The following ADAM12 variants were observed in gnomAD, a reference collection of about 807,000 sequenced individuals.
ADAM12 encodes the protein ADAM metallopeptidase domain 12, also known as disintegrin and metalloproteinase domain-containing protein 12.
ADAM12 carries 70 observed loss-of-function variants against 106.4 expected under a neutral mutation model. That is an observed-to-expected ratio of 0.66 (90% CI 0.54 to 0.80). The LOEUF (loss-of-function observed/expected upper bound fraction) is 0.80, where lower values mean the gene tolerates loss of function less well. ADAM12 is among the 30% of genes least tolerant of loss of function. The pLI, the probability that ADAM12 is intolerant of heterozygous loss-of-function variation, is 0.00. For synonymous variants in ADAM12, 420 were observed against 433.5 expected (o/e 0.97, Z 0.39); for missense variants, 1,010 against 1,171.9 (o/e 0.86, Z 2.02).
chr10:126,223,312 T>C (rs1418256759), intron 3 of ADAM12, among the ~76,000 whole-genome samples: 1 of 152,236 alleles, frequency 6.6e-6, no homozygotes, highest in African/African-American at 2.4e-5. Flanking sequence ...TATTTCAGCT[T>C]CTGCCTGTCA....
intron 21 of ADAM12, among the ~76,000 whole-genome samples, chr10:126,033,976 AAAT>A (rs1174524819): frequency 2.0e-5 from 3 of 152,252 alleles, no homozygotes; most frequent in Admixed American, 1.3e-4. Context: ...TTCAGACAGA[AAAT>A]AATAAGCAAA....
chr10:126,308,667 G>A (rs1398413957), intron 2 of ADAM12, among the ~76,000 whole-genome samples: 2 of 152,138 alleles, frequency 1.3e-5, no homozygotes, highest in East Asian at 3.8e-4. Context: ...TCTATTTGAG[G>A]AAATGCCCTC....
At chr10:126,178,317 C>A (rs111376187) in intron 3 of ADAM12, among the ~76,000 whole-genome samples, 1 of 151,552 alleles carries the variant, frequency 6.6e-6, no homozygotes, top group Non-Finnish European at 1.5e-5. Context: ...GAGAATTTTG[C>A]ACCTTAAACT....
chr10:126,109,735 C>T (rs1367838758), intron 7 of ADAM12, 40 bp downstream of exon 7: 1 of 1,574,820 alleles, frequency 6.3e-7, no homozygotes, highest in Non-Finnish European at 8.6e-7. Context: ...TTTCTTTTAT[C>T]TCTAACCAAC....
intron 4 of ADAM12, 35 bp downstream of exon 4, chr10:126,155,192 G>A: frequency 6.2e-7 from 1 of 1,604,108 alleles, no homozygotes; most frequent in Non-Finnish European, 8.5e-7. Flanking sequence ...ATCCAGTGGT[G>A]TAAGATTATG....
At chr10:126,027,854 G>A (rs1489534481) in intron 21 of ADAM12, among the ~76,000 whole-genome samples, 1 of 152,142 alleles carries the variant, frequency 6.6e-6, no homozygotes, top group Non-Finnish European at 1.5e-5. Flanking sequence ...TCTGGGAAGG[G>A]CAATCAGGCA....
At chr10:126,109,377 C>G (rs1359360912) in intron 7 of ADAM12, among the ~76,000 whole-genome samples, 1 of 152,132 alleles carries the variant, frequency 6.6e-6, no homozygotes, top group Admixed American at 6.5e-5. Context: ...GTCTCTATAG[C>G]CTTCATTCAT....
chr10:126,086,606 T>C (rs1278360), intron 11 of ADAM12, among the ~76,000 whole-genome samples: 85,404 of 123,382 alleles, frequency 0.69, 29,778 homozygotes, highest in East Asian at 0.83. Context: ...GAACCTGGGA[T>C]GCAGAGGTTG....
intron 1 of ADAM12, among the ~76,000 whole-genome samples, chr10:126,338,401 C>T (rs1420881379): frequency 2.0e-5 from 3 of 151,230 alleles, no homozygotes; most frequent in Non-Finnish European, 4.4e-5. Context: ...TACAGGCGCC[C>T]GCCACTACGC....
chr10:126,167,672 T>C (rs1957048097), intron 3 of ADAM12, among the ~76,000 whole-genome samples: 1 of 152,194 alleles, frequency 6.6e-6, no homozygotes, highest in Non-Finnish European at 1.5e-5. Context: ...TAGTGCCACA[T>C]ACCACCCGCA....
rs138184094 is a variant in ADAM12, at chr10:126,341,208, G to A, written c.89-10699C>T. Among the ~76,000 whole-genome samples, 356 of 152,128 alleles carry A rather than the reference G, an allele frequency of 2.3e-3. 8 individuals carry two copies. In the South Asian group the frequency reaches 0.024, roughly 10 times the overall value. On this transcript the variant is annotated intron_variant, in intron 1 of 22. Transcript: ENST00000448723. ...TTTATCCCGCCTACAGCCACTATCA[G>A]TATCAAATCTTGTTTTATTTATTTA...
intron 2 of ADAM12, among the ~76,000 whole-genome samples, chr10:126,302,858 A>G (rs1488029440): frequency 1.3e-5 from 2 of 152,244 alleles, no homozygotes; most frequent in Non-Finnish European, 2.9e-5. Flanking sequence ...ATAATGCAGT[A>G]AAGACTTTAG....
intron 11 of ADAM12, among the ~76,000 whole-genome samples, chr10:126,078,876 A>C (rs557364481): frequency 1.3e-5 from 2 of 152,208 alleles, no homozygotes; most frequent in South Asian, 4.2e-4. Flanking sequence ...TTTCTTTATT[A>C]CCAGTGCCAG....
At chr10:126,105,430 C>T (rs1466607737) in intron 8 of ADAM12, among the ~76,000 whole-genome samples, 2 of 152,144 alleles carry the variant, frequency 1.3e-5, no homozygotes, top group African/African-American at 4.8e-5. Flanking sequence ...CTGAGGATAG[C>T]CTGAGGCCGT....
At chr10:126,271,511 G>A (rs73384790) in intron 3 of ADAM12, among the ~76,000 whole-genome samples, 85 of 152,348 alleles carry the variant, frequency 5.6e-4, no homozygotes, top group African/African-American at 2.0e-3. Flanking sequence ...GAGAGCAGTA[G>A]CTCATGCCTT....
At chr10:126,121,839 G>A (rs922461733) in intron 5 of ADAM12, among the ~76,000 whole-genome samples, 3 of 152,110 alleles carry the variant, frequency 2.0e-5, no homozygotes, top group East Asian at 1.9e-4. Context: ...CAAATGATAC[G>A]GAAGGAAGAG....
At position 126,388,036 on chromosome 10, in the gene ADAM12, C is replaced by G; in HGVS notation, c.88+22G>C. On this transcript the variant is annotated intron_variant, in intron 1 of 22. Transcript: ENST00000448723. This position sits in a 1 kb window ranked among gnomAD's most constrained non-coding sequence, Gnocchi z 4.4. ...TGCCCTCGGCGGGGCGGGCAGCGAGCCGCCCTAGTTCGGCGACTTACCTCG... is the reference window on the plus strand; with the variant it reads ...TGCCCTCGGCGGGGCGGGCAGCGAGGCGCCCTAGTTCGGCGACTTACCTCG... The G allele has an allele frequency of 8.3e-7, 1 of 1,205,308 alleles. No homozygotes were observed. The highest frequency in any genetic ancestry group is 1.0e-6 in the Non-Finnish European group (1 of 970,578). 74.7% of individuals were successfully genotyped at this position (1,205,308 alleles called of 1,614,324 possible).
intron 8 of ADAM12, among the ~76,000 whole-genome samples, chr10:126,105,842 T>C (rs1190958790): frequency 6.6e-6 from 1 of 152,230 alleles, no homozygotes; most frequent in Non-Finnish European, 1.5e-5. Context: ...AAGTTGAATC[T>C]GCAAAGAGTA....
At chr10:126,265,515 A>G (rs1959080897) in intron 3 of ADAM12, among the ~76,000 whole-genome samples, 2 of 152,176 alleles carry the variant, frequency 1.3e-5, no homozygotes, top group South Asian at 4.1e-4. Flanking sequence ...AAACAAGACA[A>G]TCAGAGGTCA....
Sources: gnomAD v4.1 joint callset for allele counts (sites outside exome capture counted in the v4.1 genomes callset) on GRCh38, gnomAD v4.1.1 for gene constraint, Gnocchi (gnomAD v3.1) non-coding constraint, MANE v1.5 for transcripts, NCBI Gene and HGNC (gene_info 2026-07-23, HGNC 2026-07-21) for gene names.